The following ARHGAP24 variants were observed in gnomAD, a reference collection of about 807,000 sequenced individuals.
ARHGAP24 encodes the protein Rho GTPase activating protein 24.
Under a neutral mutation model 76.4 loss-of-function variants are expected in ARHGAP24, and 50 were observed. The ratio of observed to expected loss-of-function variants is 0.65; its 90% confidence interval spans 0.52 to 0.83. The LOEUF (loss-of-function observed/expected upper bound fraction) is 0.83, where lower values mean the gene tolerates loss of function less well. Among genes scored for constraint, ARHGAP24 ranks in the 40% least tolerant of loss-of-function variants. The pLI is 0.00. For missense variants in ARHGAP24, 930 were observed against 914.2 expected (o/e 1.02, Z -0.22); for synonymous variants, 345 against 323.3 (o/e 1.07, Z -0.72).
At chr4:85,983,669 T>G (rs1739817435) in intron 8 of ARHGAP24, among the ~76,000 whole-genome samples, 1 of 152,080 alleles carries the variant, frequency 6.6e-6, no homozygotes, top group South Asian at 2.1e-4. Flanking sequence ...AGTAAGAAAG[T>G]TGTTTTAAAG....
At chr4:85,581,600 G>A (rs944994055) in intron 2 of ARHGAP24, among the ~76,000 whole-genome samples, 1 of 152,114 alleles carries the variant, frequency 6.6e-6, no homozygotes, top group East Asian at 1.9e-4. Context: ...ATAAACCAAC[G>A]TAGCTCTAAC....
intron 1 of ARHGAP24, among the ~76,000 whole-genome samples, chr4:85,491,577 A>G (rs1723358261): frequency 6.6e-6 from 1 of 152,076 alleles, no homozygotes; most frequent in East Asian, 1.9e-4. Context: ...GGCTGGAGGG[A>G]GCAATTATGC....
intron 2 of ARHGAP24, among the ~76,000 whole-genome samples, chr4:85,683,274 A>G (rs2110012150): frequency 6.6e-6 from 1 of 152,256 alleles, no homozygotes; most frequent in Non-Finnish European, 1.5e-5. Flanking sequence ...CAACCTTTCC[A>G]TCTGTCAGCA....
intron 2 of ARHGAP24, among the ~76,000 whole-genome samples, chr4:85,660,016 G>A (rs955184557): frequency 6.6e-6 from 1 of 152,170 alleles, no homozygotes; most frequent in Admixed American, 6.5e-5. Context: ...TTGTTGCTAG[G>A]GGGAGTTGCC....
At chr4:85,908,287 A>C (rs1485685434) in intron 3 of ARHGAP24, among the ~76,000 whole-genome samples, 2 of 152,178 alleles carry the variant, frequency 1.3e-5, no homozygotes, top group Non-Finnish European at 2.9e-5. Context: ...TGCTCAGTTC[A>C]TGTCTTCTTT....
chr4:85,707,618 T>C (rs969610194), intron 2 of ARHGAP24, among the ~76,000 whole-genome samples: 1 of 152,096 alleles, frequency 6.6e-6, no homozygotes, highest in South Asian at 2.1e-4. Flanking sequence ...TTGTTAGAAA[T>C]AGAAATAGTT....
chr4:85,829,870 T>C (rs1229942531), intron 3 of ARHGAP24, among the ~76,000 whole-genome samples: 2 of 152,254 alleles, frequency 1.3e-5, no homozygotes, highest in African/African-American at 4.8e-5. Flanking sequence ...TGATGAATCA[T>C]AATCAGTGTA....
intron 4 of ARHGAP24, among the ~76,000 whole-genome samples, chr4:85,928,852 G>T (rs1012800321): frequency 2.0e-5 from 3 of 152,182 alleles, no homozygotes; most frequent in Non-Finnish European, 4.4e-5. Context: ...CTAATGAAAA[G>T]AGTTGATTCA....
At chr4:85,941,210 T>G (rs1199898719) in intron 4 of ARHGAP24, among the ~76,000 whole-genome samples, 1 of 152,184 alleles carries the variant, frequency 6.6e-6, no homozygotes, top group Non-Finnish European at 1.5e-5. Context: ...ATTAATATAT[T>G]TCAAAAGTAT....
At chr4:85,776,588 C>A (rs1423710792) in intron 3 of ARHGAP24, among the ~76,000 whole-genome samples, 1 of 152,136 alleles carries the variant, frequency 6.6e-6, no homozygotes, top group Non-Finnish European at 1.5e-5. Context: ...GGCCAATTTC[C>A]TATTGCTTTC....
At chr4:85,966,080 G>A (rs13149705) in intron 5 of ARHGAP24, among the ~76,000 whole-genome samples, 31,856 of 152,056 alleles carry the variant, frequency 0.21, 3,599 homozygotes, top group South Asian at 0.39. Context: ...TCTGGTGAAG[G>A]CTGTCTTTTT....
rs755986735 is a variant in ARHGAP24, at chr4:86,000,591, C to A, written c.2116C>A (p.Arg706=). The change falls in exon 10 of 10, where the codon CGA becomes AGA. Residue 706 remains arginine (R), a synonymous_variant. Transcript: ENST00000395184. ...AGAAATAAAAATGCGAAATGCCGAG[C>A]GAGCAAAAGAAGATGCCGAGAAAAG... The part of the protein sequence containing the change: ...MIEIKMRNAE[R]AKEDAEKRND... 6.2e-7 allele frequency: 1 copy of A among 1,613,536 alleles called. No individual in the cohort carries two copies. The highest frequency in any genetic ancestry group is 8.5e-7 in the Non-Finnish European group (1 of 1,179,882).
intron 3 of ARHGAP24, among the ~76,000 whole-genome samples, chr4:85,860,844 T>C (rs1185091064): frequency 6.6e-6 from 1 of 152,060 alleles, no homozygotes; most frequent in East Asian, 1.9e-4. Context: ...TTATTAAATC[T>C]TTTCTTACTG....
At chr4:85,567,268 A>G (rs1726887657) in intron 1 of ARHGAP24, among the ~76,000 whole-genome samples, 1 of 152,196 alleles carries the variant, frequency 6.6e-6, no homozygotes, top group Non-Finnish European at 1.5e-5. Context: ...TTATGGCTAA[A>G]AATGGAAGCA....
At chr4:85,822,128 T>G (rs1009027882) in intron 3 of ARHGAP24, among the ~76,000 whole-genome samples, 6 of 152,174 alleles carry the variant, frequency 3.9e-5, no homozygotes, top group African/African-American at 1.4e-4. Context: ...TCTCCATATA[T>G]GCATGTTAGG....
chr4:85,571,677 A>C (rs1325311556), intron 2 of ARHGAP24, among the ~76,000 whole-genome samples: 3 of 152,206 alleles, frequency 2.0e-5, no homozygotes, highest in African/African-American at 4.8e-5. Flanking sequence ...AATAGCAATA[A>C]AAATACATGC....
intron 2 of ARHGAP24, among the ~76,000 whole-genome samples, chr4:85,715,518 C>T (rs979710281): frequency 1.3e-5 from 2 of 151,868 alleles, no homozygotes; most frequent in Non-Finnish European, 2.9e-5. Context: ...TTACAGATGA[C>T]GAACCTGAGG....
At chr4:85,785,342 G>C (rs1727784515) in intron 3 of ARHGAP24, among the ~76,000 whole-genome samples, 1 of 152,166 alleles carries the variant, frequency 6.6e-6, no homozygotes, top group Non-Finnish European at 1.5e-5. Context: ...TTTGGGTTTT[G>C]AAGAAGTCTA....
At chr4:85,955,785 G>A (rs1737872106) in intron 5 of ARHGAP24, among the ~76,000 whole-genome samples, 1 of 152,206 alleles carries the variant, frequency 6.6e-6, no homozygotes, top group African/African-American at 2.4e-5. Flanking sequence ...ATTACTGGGA[G>A]CAACATATCA....
Sources: gnomAD v4.1 joint callset for allele counts (sites outside exome capture counted in the v4.1 genomes callset) on GRCh38, gnomAD v4.1.1 for gene constraint, MANE v1.5 for transcripts, NCBI Gene and HGNC (gene_info 2026-07-23, HGNC 2026-07-21) for gene names.